Variants in CLDN11 observed in about 807,000 individuals in gnomAD.
The protein encoded by CLDN11 is claudin-11.
A neutral mutation model predicts 18.0 loss-of-function variants in CLDN11; 1 was observed. The ratio of observed to expected loss-of-function variants is 0.06; its 90% CI spans 0.02 to 0.26. The LOEUF is 0.26. Ranked by LOEUF, CLDN11 falls within the 10% of genes least tolerant of loss-of-function variation. CLDN11 has a pLI of 1.00. For synonymous variants in CLDN11, 116 were observed against 121.5 expected, an observed-to-expected ratio of 0.96 and a Z score of 0.30; for missense variants, 172 against 276.6, an observed-to-expected ratio of 0.62 and a Z score of 2.68.
chr3:170,433,374 C>T lies in CLDN11; in HGVS notation c.*618C>T, dbSNP rs1252068381. 3.3e-5 allele frequency: 5 copies of T among 152,114 alleles called. No individual in the cohort carries two copies. Among genetic ancestry groups the T allele is most frequent in the African/African-American group, 1.2e-4 (5 of 41,366 alleles). 9.4% of individuals were successfully genotyped at this position (152,114 alleles called of 1,614,324 possible). A position where few individuals can be genotyped will look rare whatever the true frequency, so the allele number is the denominator to read the frequency against. Reference sequence around the variant, plus strand: ...CAGGTTGGTCTCGAACTCCTGGACTCAAAGTATCCTCCCGCCTCGGCCTCC... The same window carrying T: ...CAGGTTGGTCTCGAACTCCTGGACTTAAAGTATCCTCCCGCCTCGGCCTCC... On this transcript the variant is annotated 3_prime_UTR_variant, in exon 3 of 3. Transcript: ENST00000064724.
intron 2 of CLDN11, among the ~76,000 whole-genome samples, chr3:170,425,123 C>T (rs73038377): frequency 0.012 from 1,799 of 152,274 alleles, 47 homozygotes; most frequent in African/African-American, 0.042. Flanking sequence ...CTATGGAGGT[C>T]AGGTCTATTG....
At chr3:170,426,083 G>A (rs1738844951) in intron 2 of CLDN11, among the ~76,000 whole-genome samples, 1 of 152,138 alleles carries the variant, frequency 6.6e-6, no homozygotes, top group Admixed American at 6.5e-5. Flanking sequence ...GAATGGGGCT[G>A]AACAAACACA....
chr3:170,423,496 ACACAG>A, intron 2 of CLDN11, 169 bp downstream of exon 2: 1 of 649,324 alleles, frequency 1.5e-6, no homozygotes, highest in East Asian at 2.7e-5. Flanking sequence ...TGGGCAGTTT[ACACAG>A]AGGGCTAAGT....
At chr3:170,423,474 C>CTTTGTATTTTAT (rs1738770301) in intron 2 of CLDN11, 147 bp downstream of exon 2, 1 of 778,396 alleles carries the variant, frequency 1.3e-6, no homozygotes, top group Non-Finnish European at 2.1e-6. Context: ...ATCTGTATCC[C>CTTTGTATTTTAT]TTTGTATTTT....
chr3:170,420,355 C>T (rs577689241), intron 1 of CLDN11, among the ~76,000 whole-genome samples: 54 of 152,154 alleles, frequency 3.5e-4, no homozygotes, highest in Non-Finnish European at 6.9e-4. Context: ...AAGGATTTTC[C>T]CGGTTTCCTC....
chr3:170,422,515 A>G (rs1049314073), intron 1 of CLDN11, among the ~76,000 whole-genome samples: 1 of 152,092 alleles, frequency 6.6e-6, no homozygotes, highest in Non-Finnish European at 1.5e-5. Context: ...TCCCCCTCTC[A>G]GGTTCAAGCG....
chr3:170,432,996 C>G lies in CLDN11; in HGVS notation c.*240C>G, dbSNP rs1169945644. On this transcript the variant is annotated 3_prime_UTR_variant, in exon 3 of 3. Transcript: ENST00000064724. The stretch of plus-strand genomic sequence containing the variant: ...GACATTTTTTTCCCTTGGTGTTGCC[C>G]CTATTAGCTCTTTTCTTGGGCATTC... The G allele has an allele frequency of 2.3e-6, 1 of 442,912 alleles. No homozygotes were observed. Among genetic ancestry groups the G allele is most frequent in the Non-Finnish European group, 4.1e-6 (1 of 246,794 alleles). The allele number at this position is 442,912 out of a possible 1,614,324, so 27.4% of individuals were successfully genotyped here.
intron 1 of CLDN11, among the ~76,000 whole-genome samples, chr3:170,420,263 C>T (rs557171093): frequency 1.3e-5 from 2 of 152,356 alleles, no homozygotes; most frequent in African/African-American, 2.4e-5. Flanking sequence ...TGGTTTTCTG[C>T]TGGAATCTCT....
At chr3:170,431,357 A>G (rs1273211471) in intron 2 of CLDN11, among the ~76,000 whole-genome samples, 1 of 152,000 alleles carries the variant, frequency 6.6e-6, no homozygotes, top group Non-Finnish European at 1.5e-5. Flanking sequence ...TGTTATTATT[A>G]TTGTTATTAT....
chr3:170,431,687 A>G (rs1739006307), intron 2 of CLDN11, among the ~76,000 whole-genome samples: 1 of 152,346 alleles, frequency 6.6e-6, no homozygotes, highest in South Asian at 2.1e-4. Flanking sequence ...TACATGATAT[A>G]TAAGCTATTT....
chr3:170,425,727 C>T (rs1738838387), intron 2 of CLDN11, among the ~76,000 whole-genome samples: 1 of 152,172 alleles, frequency 6.6e-6, no homozygotes, highest in Non-Finnish European at 1.5e-5. Flanking sequence ...GGACACTCAC[C>T]AGAGTCCCCT....
In CLDN11 at chr3:170,427,348, G is replaced by A. The variant is rs142417657; in HGVS notation, c.391+4021G>A. Among the ~76,000 whole-genome samples, 580 of 152,320 alleles carry A rather than the reference G, an allele frequency of 3.8e-3. 3 individuals carry two copies. The highest frequency in any genetic ancestry group is 0.013 in the African/African-American group (535 of 41,570). Reference sequence around the variant, plus strand: ...TTTAAAAGTTCTTTCAGGGCTGGACGTGGTGGCTCACACCTGTAATCACAG... The same window carrying A: ...TTTAAAAGTTCTTTCAGGGCTGGACATGGTGGCTCACACCTGTAATCACAG... On this transcript the variant is annotated intron_variant, in intron 2 of 2. Coordinates refer to ENST00000064724, the MANE Select transcript of CLDN11 (RefSeq NM_005602.6).
In CLDN11 at chr3:170,432,613, G is replaced by T; in HGVS notation, c.481G>T (p.Gly161Cys). Residue 161 changes from glycine to cysteine, a missense_variant, in exon 3 of 3, where the codon GGC becomes TGC. Physicochemically the swap from Gly to Cys is radical, Grantham distance 159 (BLOSUM62 -3). Transcript: ENST00000064724. The stretch of plus-strand genomic sequence containing the variant: ...GAGCTTTGGCTACTCCCTGTATGCA[G>T]GCTGGATTGGTGCTGTGCTGTGCCT... ...IVSFGYSLYA[G>C]WIGAVLCLVG... The T allele has an allele frequency of 6.2e-7, 1 of 1,614,106 alleles. No individual in the cohort carries two copies. The highest frequency in any genetic ancestry group is 8.5e-7 in the Non-Finnish European group (1 of 1,180,032).
intron 2 of CLDN11, 124 bp downstream of exon 2, chr3:170,423,451 A>C: frequency 2.1e-6 from 2 of 965,074 alleles, no homozygotes; most frequent in Non-Finnish European, 3.2e-6. Flanking sequence ...CCAGTGGGGG[A>C]TGGACTCCCA....
Position 170,434,327 on chromosome 3 carries a change from C to G in CLDN11, c.*1571C>G, listed in dbSNP as rs1208019965. ...TCTCTAGGTTTCTTAAGTGGGGTGA[C>G]TTTATGGCATCTTTAATCATCGATC... On this transcript the variant is annotated 3_prime_UTR_variant, in exon 3 of 3. Transcript: ENST00000064724. 6.6e-6 allele frequency among the ~76,000 whole-genome samples: 1 copy of G among 152,136 alleles called. No homozygotes were observed. Among genetic ancestry groups the G allele is most frequent in the African/African-American group, 2.4e-5 (1 of 41,424 alleles).
chr3:170,428,943 A>G (rs933706591), intron 2 of CLDN11, among the ~76,000 whole-genome samples: 1 of 152,230 alleles, frequency 6.6e-6, no homozygotes, highest in Non-Finnish European at 1.5e-5. Flanking sequence ...AGAGAGAACC[A>G]TTCCAAACTC....
At chr3:170,427,088 G>A (rs1417762296) in intron 2 of CLDN11, among the ~76,000 whole-genome samples, 1 of 152,164 alleles carries the variant, frequency 6.6e-6, no homozygotes, top group Admixed American at 6.5e-5. Context: ...CTATATAAAA[G>A]TAGAGGAATA....
intron 2 of CLDN11, among the ~76,000 whole-genome samples, chr3:170,428,408 T>A (rs1738917065): frequency 6.6e-6 from 1 of 152,250 alleles, no homozygotes. Flanking sequence ...TTCTGTTTGG[T>A]CACATCACCA....
At chr3:170,428,755 C>T (rs1738925270) in intron 2 of CLDN11, among the ~76,000 whole-genome samples, 1 of 152,120 alleles carries the variant, frequency 6.6e-6, no homozygotes, top group Non-Finnish European at 1.5e-5. Context: ...AGGAGAAAAA[C>T]TGAAAAATCT....
Sources: gnomAD v4.1 joint callset for allele counts (sites outside exome capture counted in the v4.1 genomes callset) on GRCh38, gnomAD v4.1.1 for gene constraint, MANE v1.5 for transcripts, NCBI Gene and HGNC (gene_info 2026-07-23, HGNC 2026-07-21) for gene names.